Variants in OFD1 observed in about 807,000 individuals in gnomAD.
OFD1 encodes OFD1 centriole and centriolar satellite protein.
Under a neutral mutation model 81.4 loss-of-function variants are expected in OFD1, and 12 were observed. The ratio of observed to expected loss-of-function variants is 0.15; its 90% CI spans 0.09 to 0.24. OFD1 has a LOEUF of 0.24. Ranked by LOEUF, OFD1 falls within the 10% of genes least tolerant of loss-of-function variation. OFD1 has a pLI of 1.00. For synonymous variants in OFD1, 256 were observed against 263.7 expected (o/e 0.97, Z 0.28); for missense variants, 685 against 733.9 (o/e 0.93, Z 0.77).
chrX:13,760,764 G>A, intron 16 of OFD1, 44 bp downstream of exon 16: 1 of 1,204,916 alleles, frequency 8.3e-7, no homozygotes, highest in Non-Finnish European at 1.1e-6. Context: ...CTGGAGTTGG[G>A]TAGCCACCCT....
chrX:13,731,683 AT>A (rs1170941883), upstream of OFD1, among the ~76,000 whole-genome samples: 2 of 111,718 alleles, frequency 1.8e-5, no homozygotes, highest in Non-Finnish European at 3.8e-5. Flanking sequence ...TATTTGCTGA[AT>A]GAGGGATGGC....
intron 9 of OFD1, among the ~76,000 whole-genome samples, chrX:13,749,769 C>T (rs919677537): frequency 2.7e-5 from 3 of 112,321 alleles, no homozygotes; most frequent in Non-Finnish European, 5.6e-5. Flanking sequence ...TAAGACCAGA[C>T]AGATTATTTG....
chrX:13,768,679 A>G, intron 21 of OFD1, 39 bp from the exon 22 acceptor site: 1 of 1,057,285 alleles, frequency 9.5e-7, no homozygotes, highest in Admixed American at 2.2e-5. Context: ...ATTAATGCAT[A>G]TCTAATTTCA....
At chrX:13,769,658 A>G (rs1396496602), downstream of OFD1, among the ~76,000 whole-genome samples, 1 of 111,877 alleles carries the variant, frequency 8.9e-6, no homozygotes, top group East Asian at 2.8e-4. Flanking sequence ...CCCGTGTGAT[A>G]GAATTAAGAG....
chrX:13,751,459 C>A, intron 10 of OFD1, 91 bp downstream of exon 10: 4 of 682,028 alleles, frequency 5.9e-6, no homozygotes, highest in Non-Finnish European at 8.7e-6. Context: ...GTAACTTAGG[C>A]AAACTTTAGT....
intron 10 of OFD1, 139 bp downstream of exon 10, chrX:13,751,507 C>A (rs1252278937): frequency 8.0e-6 from 4 of 501,340 alleles, no homozygotes; most frequent in African/African-American, 7.2e-5. Flanking sequence ...TCGATACAGT[C>A]AATCCTTTCC....
chrX:13,719,800 C>T, the OFD1 span: 1 of 759,379 alleles, frequency 1.3e-6, no homozygotes, highest in Non-Finnish European at 1.8e-6. Context: ...GTTACCTTAT[C>T]TGTCCAGATC....
upstream of OFD1, among the ~76,000 whole-genome samples, chrX:13,730,877 T>G (rs758581933): frequency 1.1e-3 from 97 of 86,284 alleles, no homozygotes; most frequent in African/African-American, 4.4e-3. Flanking sequence ...TGAGATCACT[T>G]GGACACAGGG....
At chrX:13,753,675 A>T (rs73633577) in intron 11 of OFD1, among the ~76,000 whole-genome samples, 1 of 111,079 alleles carries the variant, frequency 9.0e-6, no homozygotes, top group Admixed American at 9.6e-5. Context: ...GTGATTTATC[A>T]TGGATATTTT....
chrX:13,755,621 G>A (rs1347743688), intron 12 of OFD1, among the ~76,000 whole-genome samples: 2 of 112,001 alleles, frequency 1.8e-5, no homozygotes, highest in Non-Finnish European at 3.8e-5. Flanking sequence ...ATTACTATTA[G>A]TTTCTACATC....
the OFD1 span, among the ~76,000 whole-genome samples, chrX:13,727,777 C>T: frequency 9.9e-5 from 11 of 111,675 alleles, no homozygotes; most frequent in Admixed American, 7.6e-4. Flanking sequence ...GATAAACACA[C>T]GAAAAACCCT....
Position 13,738,826 on chromosome X carries a change from G to A in OFD1, c.313-20G>A, listed in dbSNP as rs1949199957. The A allele has an allele frequency of 1.0e-6, 1 of 967,600 alleles. No individual in the cohort carries two copies. Among genetic ancestry groups the A allele is most frequent in the Non-Finnish European group, 1.5e-6 (1 of 676,909 alleles). The allele number at this position is 967,600 out of a possible 1,213,427, so 79.7% of individuals were successfully genotyped here. On this transcript the variant is annotated intron_variant, in intron 3 of 22. Coordinates refer to ENST00000340096, the MANE Select transcript of OFD1 (RefSeq NM_003611.3). Reference sequence around the variant, plus strand: ...ACTGATATAAAAATATGTCTACTTAGTAACCTATTTTTTCTTAAGGTATTT... The same window carrying A: ...ACTGATATAAAAATATGTCTACTTAATAACCTATTTTTTCTTAAGGTATTT...
At chrX:13,736,338 A>G (rs1040023893) in intron 2 of OFD1, 140 bp from the exon 3 acceptor site, 3 of 1,083,323 alleles carry the variant, frequency 2.8e-6, no homozygotes, top group Admixed American at 5.7e-5. Context: ...ACTTCTGGCC[A>G]TGGATCTAGA....
rs771143320 is a variant in OFD1 at position 13,743,810 on chromosome X, T to C, written c.413-605T>C. Among the ~76,000 whole-genome samples the C allele has an allele frequency of 5.4e-5, 6 of 111,638 alleles. No individual in the cohort carries two copies. The East Asian group carries it at 1.7e-3, about 31-fold the overall frequency. On this transcript the variant is annotated intron_variant, in intron 5 of 22. Transcript: ENST00000340096. ...GATTTGTAAGAGTTCTTTGATGTTA[T>C]GAAAATGTCATCACTTTAGTCTTGG...
downstream of OFD1, chrX:13,772,837 T>G: frequency 8.5e-7 from 1 of 1,174,170 alleles, no homozygotes; most frequent in Middle Eastern, 2.4e-4. Context: ...TCTGATGATT[T>G]GTCAGAGCTG....
At chrX:13,754,217 G>A (rs972993723) in intron 11 of OFD1, among the ~76,000 whole-genome samples, 11 of 111,067 alleles carry the variant, frequency 9.9e-5, no homozygotes, top group African/African-American at 3.3e-4. Flanking sequence ...TCCTGACCTC[G>A]TGATCCGCCC....
the OFD1 span, chrX:13,715,934 A>T: frequency 2.7e-6 from 3 of 1,114,862 alleles, no homozygotes; most frequent in Non-Finnish European, 3.6e-6. Flanking sequence ...AGTTACTTCA[A>T]TAGGCCAGTT....
rs2047266960 is a variant in OFD1 at position 13,745,692 on chromosome X, G to A, written c.518-627G>A. On this transcript the variant is annotated intron_variant, in intron 6 of 22. Coordinates refer to ENST00000340096, the MANE Select transcript of OFD1 (RefSeq NM_003611.3). The stretch of plus-strand genomic sequence containing the variant: ...GTGGGCGTTATACACGGTTGAGATT[G>A]TACTCTGGGTTCAGATTTGCACTTT... Among the ~76,000 whole-genome samples the A allele has an allele frequency of 2.7e-5, 3 of 112,232 alleles. No homozygotes were observed. The South Asian group carries it at 1.1e-3, about 41-fold the overall frequency.
intron 16 of OFD1, 93 bp downstream of exon 16, chrX:13,760,813 G>C (rs2047900105): frequency 9.3e-7 from 1 of 1,072,775 alleles, no homozygotes; most frequent in Non-Finnish European, 1.3e-6. Flanking sequence ...CAGCGGGCCA[G>C]AGTGGCAAGG....
Sources: allele counts gnomAD v4.1 joint callset (sites outside exome capture counted in the v4.1 genomes callset), GRCh38; gene constraint gnomAD v4.1.1; transcripts MANE v1.5; gene names NCBI Gene and HGNC (gene_info 2026-07-23, HGNC 2026-07-21).